The following SHLD2 variants were observed in gnomAD, a reference collection of about 807,000 sequenced individuals.
SHLD2 encodes the protein shieldin complex subunit 2, also known as RINN1-REV7-interacting novel NHEJ regulator 2.
In SHLD2, 30 loss-of-function variants were observed where a neutral mutation model predicts 73.2. The observed-to-expected ratio is 0.41, with a 90% CI of 0.31 to 0.56. SHLD2 has a LOEUF of 0.56. Among genes scored for constraint, SHLD2 ranks in the 20% least tolerant of loss-of-function variants. The probability of loss-of-function intolerance (pLI) is 0.28; values close to 1 mark genes in which losing one functional copy is unlikely to be tolerated. For synonymous variants in SHLD2, 285 were observed against 370.1 expected (o/e 0.77, Z 2.64); for missense variants, 745 against 1,055.9 (o/e 0.71, Z 4.08).
rs577420690 is a variant in SHLD2 at position 87,173,044 on chromosome 10, T to G, written c.1963+2070T>G. Among the ~76,000 whole-genome samples, 315 of 152,138 alleles carry G rather than the reference T, an allele frequency of 2.1e-3. 1 individual carries two copies. The highest frequency in any genetic ancestry group is 7.2e-3 in the African/African-American group (301 of 41,520). On this transcript the variant is annotated intron_variant, in intron 6 of 9. Transcript: ENST00000298786. ...GAATACTAAGCATAAGGCACTTTTT[T>G]TTTTTTTTTTTGAGACAGAGTTTCA...
intron 6 of SHLD2, 44 bp from the exon 7 acceptor site, chr10:87,175,845 T>G (rs1383312316): frequency 6.5e-7 from 1 of 1,535,776 alleles, no homozygotes; most frequent in Non-Finnish European, 8.8e-7. Context: ...AAGCCTAGAT[T>G]TTTTTCCTTT....
At chr10:87,164,447 T>C (rs942137033) in intron 4 of SHLD2, among the ~76,000 whole-genome samples, 3 of 151,934 alleles carry the variant, frequency 2.0e-5, no homozygotes, top group African/African-American at 7.3e-5. Flanking sequence ...GAGACTGGAT[T>C]TCACCATGTT....
chr10:87,094,570 A>C, upstream of SHLD2: 1 of 1,611,832 alleles, frequency 6.2e-7, no homozygotes, highest in Non-Finnish European at 8.5e-7. This position sits in a 1 kb window ranked among gnomAD's most constrained non-coding sequence, Gnocchi z 6.6. Context: ...CACCATCTTG[A>C]AGAAGTTGGG....
intron 8 of SHLD2, among the ~76,000 whole-genome samples, chr10:87,183,379 T>G (rs1295160240): frequency 6.6e-6 from 1 of 152,218 alleles, no homozygotes; most frequent in East Asian, 1.9e-4. Context: ...GCTAGGCTTA[T>G]AAGGTTATTT....
intron 4 of SHLD2, among the ~76,000 whole-genome samples, chr10:87,160,075 C>G (rs1159694320): frequency 6.6e-6 from 1 of 151,980 alleles, no homozygotes; most frequent in African/African-American, 2.4e-5. Flanking sequence ...CTTCTTCTAG[C>G]TTCTCCCAAT....
chr10:87,172,223 T>C (rs1350807989), intron 6 of SHLD2, among the ~76,000 whole-genome samples: 1 of 152,190 alleles, frequency 6.6e-6, no homozygotes. Flanking sequence ...CACATCAGTC[T>C]TTTTAAGATA....
chr10:87,139,309 A>G (rs1397496618), intron 2 of SHLD2, among the ~76,000 whole-genome samples: 2 of 152,262 alleles, frequency 1.3e-5, no homozygotes, highest in African/African-American at 4.8e-5. Context: ...AAGTAACTCA[A>G]TTATGTGCCA....
chr10:87,150,140 C>T (rs1180868579), intron 2 of SHLD2, among the ~76,000 whole-genome samples: 1 of 149,094 alleles, frequency 6.7e-6, no homozygotes, highest in African/African-American at 2.5e-5. Flanking sequence ...TCTTGGCTCA[C>T]TGCAACCTCC....
intron 2 of SHLD2, among the ~76,000 whole-genome samples, chr10:87,124,746 G>GTT (rs201784628): frequency 6.3e-4 from 81 of 129,516 alleles, no homozygotes; most frequent in Middle Eastern, 4.5e-3. Flanking sequence ...TAAAAAAATT[G>GTT]TTTTTTTTTT....
intron 3 of SHLD2, chr10:87,154,480 A>G (rs1399694284): frequency 2.0e-5 from 3 of 151,012 alleles, no homozygotes; most frequent in Non-Finnish European, 4.4e-5. Context: ...TCCTGGGTGC[A>G]GGTGATTCTC....
Position 87,136,329 on chromosome 10 carries a change from G to A in SHLD2, c.-5-15021G>A, listed in dbSNP as rs184104662. On this transcript the variant is annotated intron_variant, in intron 2 of 9. Coordinates refer to ENST00000298786, the MANE Select transcript of SHLD2 (RefSeq NM_001330112.2). ...TGCGCTAGTATATTTAGAGACTAAA[G>A]CATGTAGTATATGCTTTAGTATATG... Among the ~76,000 whole-genome samples, 841 of 151,734 alleles carry A rather than the reference G, an allele frequency of 5.5e-3. 12 individuals carry two copies. Among genetic ancestry groups the A allele is most frequent in the African/African-American group, 0.02 (810 of 41,294 alleles).
chr10:87,186,965 T>G, intron 8 of SHLD2, 120 bp from the exon 9 acceptor site: 275 of 617,726 alleles, frequency 4.5e-4, no homozygotes, highest in East Asian at 7.3e-4. Flanking sequence ...CTAGAGTTGT[T>G]TTAGGCATTC....
At chr10:87,151,306 A>C (rs1290829721) in intron 2 of SHLD2, 44 bp from the exon 3 acceptor site, 2 of 1,130,862 alleles carry the variant, frequency 1.8e-6, no homozygotes, top group Non-Finnish European at 2.5e-6. Context: ...ATATGCAAAA[A>C]TATGCTGACA....
At chr10:87,187,037 T>G in intron 8 of SHLD2, 48 bp from the exon 9 acceptor site, 1 of 1,224,398 alleles carries the variant, frequency 8.2e-7, no homozygotes, top group Non-Finnish European at 1.2e-6. Flanking sequence ...AGCATTTCTT[T>G]TATCTGAAAA....
intron 7 of SHLD2, among the ~76,000 whole-genome samples, chr10:87,179,557 G>A (rs1252181582): frequency 1.1e-4 from 17 of 152,130 alleles, no homozygotes; most frequent in African/African-American, 2.2e-4. Context: ...GCCAGCCACC[G>A]CGCCTGGCTA....
At chr10:87,103,444 C>G (rs189558485) in intron 2 of SHLD2, among the ~76,000 whole-genome samples, 1 of 152,120 alleles carries the variant, frequency 6.6e-6, no homozygotes, top group Non-Finnish European at 1.5e-5. Context: ...ATTTGATCAT[C>G]ACAACAATTT....
chr10:87,138,384 A>G (rs67364464), intron 2 of SHLD2, among the ~76,000 whole-genome samples: 4 of 151,500 alleles, frequency 2.6e-5, no homozygotes, highest in African/African-American at 7.3e-5. Flanking sequence ...AAAAAAAAAA[A>G]AACAACCTGT....
rs779350015 is a variant in SHLD2, at chr10:87,152,475, G to T, written c.1121G>T (p.Ser374Ile). The change falls in exon 3 of 10, where the codon AGT becomes ATT. Residue 374 changes from serine to isoleucine, a missense_variant. Transcript: ENST00000298786. ...TCCCAACTAAATACCTTCCACAAAA[G>T]TGCTATTAAAAGAAGCTGTACCTCT... is the stretch of plus-strand genomic sequence containing the variant. ...LCSQLNTFHK[S>I]AIKRSCTSED... The T allele has an allele frequency of 6.2e-7, 1 of 1,611,512 alleles. No individual in the cohort carries two copies. The highest frequency in any genetic ancestry group is 8.5e-7 in the Non-Finnish European group (1 of 1,179,796).
intron 2 of SHLD2, among the ~76,000 whole-genome samples, chr10:87,131,058 C>A (rs572519292): frequency 2.0e-5 from 3 of 151,942 alleles, no homozygotes; most frequent in East Asian, 1.9e-4. Flanking sequence ...CAGAATGAGA[C>A]CCCATCTCAA....
Sources: gnomAD v4.1 joint callset for allele counts (sites outside exome capture counted in the v4.1 genomes callset) on GRCh38, gnomAD v4.1.1 for gene constraint, Gnocchi (gnomAD v3.1) non-coding constraint, MANE v1.5 for transcripts, NCBI Gene and HGNC (gene_info 2026-07-23, HGNC 2026-07-21) for gene names.